Variants in RDX observed in about 807,000 individuals in gnomAD.
RDX encodes radixin.
A neutral mutation model predicts 83.7 loss-of-function variants in RDX; 32 were observed. The ratio of observed to expected loss-of-function variants is 0.38; its 90% confidence interval spans 0.29 to 0.51. RDX has a LOEUF of 0.51. Ranked by LOEUF, RDX falls within the 20% of genes least tolerant of loss-of-function variation. The probability of loss-of-function intolerance (pLI) is 0.87; values close to 1 mark genes in which losing one functional copy is unlikely to be tolerated. For synonymous variants in RDX, 229 were observed against 222.7 expected (o/e 1.03, Z -0.25); for missense variants, 600 against 689.9 (o/e 0.87, Z 1.46).
intron 1 of RDX, among the ~76,000 whole-genome samples, chr11:110,295,146 A>T (rs999444995): frequency 6.6e-6 from 1 of 152,194 alleles, no homozygotes; most frequent in African/African-American, 2.4e-5. Context: ...AAGCAAAGAA[A>T]TTCTGAAAAT....
At chr11:110,183,359 G>C (rs1432306608) in intron 15 of RDX, among the ~76,000 whole-genome samples, 5 of 152,196 alleles carry the variant, frequency 3.3e-5, no homozygotes, top group African/African-American at 4.8e-5. Context: ...TTGCGTTCTT[G>C]CTCTGTCACC....
chr11:110,236,547 T>C (rs983706198), intron 11 of RDX: 2 of 204,670 alleles, frequency 9.8e-6, no homozygotes, highest in Non-Finnish European at 2.0e-5. Flanking sequence ...ATACTTTAAA[T>C]GGCACTTTGT....
chr11:110,212,932 G>A (rs1386451988), intron 14 of RDX, among the ~76,000 whole-genome samples: 2 of 130,402 alleles, frequency 1.5e-5, no homozygotes, highest in African/African-American at 6.1e-5. Context: ...GCACAAGACA[G>A]GGATGCCCTC....
In RDX at chr11:110,295,561, GA is replaced by G. The variant is rs1275560483; in HGVS notation, c.-65+905del. The stretch of plus-strand genomic sequence containing the variant: ...TCCAACCTAGTAACTACTCTTTAAG[GA>G]AAAAAAAAAACCACCAAATATTGGG... On this transcript the variant is annotated intron_variant, in intron 1 of 13. Transcript: ENST00000645495. Among the ~76,000 whole-genome samples, 311 of 101,984 alleles carry G rather than the reference GA, an allele frequency of 3.0e-3. 3 individuals carry two copies. The highest frequency in any genetic ancestry group is 8.6e-3 in the African/African-American group (234 of 27,088). 66.9% of individuals were successfully genotyped at this position (101,984 alleles called of 152,430 possible). A position where few individuals can be genotyped will look rare whatever the true frequency, so the allele number is the denominator to read the frequency against.
intron 10 of RDX, among the ~76,000 whole-genome samples, chr11:110,244,013 A>G (rs1865203047): frequency 6.6e-6 from 1 of 152,220 alleles, no homozygotes. Context: ...GGTTACACCC[A>G]AAAGAAATGA....
chr11:110,271,413 T>A (rs983871777), intron 3 of RDX, among the ~76,000 whole-genome samples: 1 of 152,180 alleles, frequency 6.6e-6, no homozygotes, highest in Non-Finnish European at 1.5e-5. Context: ...ATAAAAGTTA[T>A]CCTCCTCTAA....
intron 14 of RDX, among the ~76,000 whole-genome samples, chr11:110,209,157 G>A (rs561084361): frequency 3.2e-4 from 49 of 152,286 alleles, no homozygotes; most frequent in South Asian, 1.0e-3. Context: ...GAAGCAGGGC[G>A]AGGCATTGCC....
At chr11:110,272,352 A>G (rs1860340026) in intron 3 of RDX, among the ~76,000 whole-genome samples, 184 bp downstream of exon 3, 1 of 152,254 alleles carries the variant, frequency 6.6e-6, no homozygotes, top group Non-Finnish European at 1.5e-5. Context: ...CCACAAATGT[A>G]GGAATGTGAA....
At chr11:110,284,194 A>G (rs1293326827) in intron 1 of RDX, among the ~76,000 whole-genome samples, 1 of 152,258 alleles carries the variant, frequency 6.6e-6, no homozygotes, top group South Asian at 2.1e-4. Context: ...GAGAGAATAC[A>G]TAACAAAAGC....
chr11:110,270,535 T>C (rs558094951), intron 3 of RDX, among the ~76,000 whole-genome samples: 1 of 152,332 alleles, frequency 6.6e-6, no homozygotes, highest in South Asian at 2.1e-4. Context: ...TCAAATACTG[T>C]TCTACGCACT....
intron 14 of RDX, among the ~76,000 whole-genome samples, chr11:110,216,357 G>A (rs1024684013): frequency 1.3e-5 from 2 of 151,720 alleles, no homozygotes; most frequent in African/African-American, 4.8e-5. Flanking sequence ...TATCTAGTTT[G>A]GCTTGCCAAA....
intron 10 of RDX, among the ~76,000 whole-genome samples, chr11:110,242,865 CT>C (rs760598960): frequency 3.9e-3 from 541 of 138,694 alleles, no homozygotes; most frequent in Admixed American, 5.5e-3. Flanking sequence ...CAATCCAATG[CT>C]TTTTTTTTTT....
At chr11:110,274,339 G>T (rs1302432271) in intron 2 of RDX, among the ~76,000 whole-genome samples, 1 of 151,824 alleles carries the variant, frequency 6.6e-6, no homozygotes, top group African/African-American at 2.4e-5. Context: ...TTATTATCTT[G>T]CTTTTAAAAA....
At chr11:110,221,270 C>A (rs750003651) in intron 14 of RDX, among the ~76,000 whole-genome samples, 9 of 152,196 alleles carry the variant, frequency 5.9e-5, no homozygotes, top group South Asian at 4.2e-4. Context: ...CTGTACCCCC[C>A]CCAAAATACT....
At chr11:110,256,409 T>C (rs1386771408) in intron 7 of RDX, among the ~76,000 whole-genome samples, 2 of 152,314 alleles carry the variant, frequency 1.3e-5, no homozygotes, top group East Asian at 1.9e-4. Flanking sequence ...GAATGCAACA[T>C]AGTATTTTAG....
chr11:110,211,512 C>A (rs1357027823), intron 14 of RDX, among the ~76,000 whole-genome samples: 2 of 151,790 alleles, frequency 1.3e-5, no homozygotes, highest in East Asian at 3.9e-4. Context: ...ACTCTCCACC[C>A]CAAATCAACA....
rs1864615902 is a variant in RDX, at chr11:110,231,076, C to T, written c.*793G>A. 2 of 152,548 alleles carry T rather than the reference C, an allele frequency of 1.3e-5. No individual in the cohort carries two copies. The allele number at this position is 152,548 out of a possible 1,614,324, so 9.4% of individuals were successfully genotyped here. On this transcript the variant is annotated 3_prime_UTR_variant, in exon 14 of 14. Coordinates refer to ENST00000645495, the MANE Select transcript of RDX (RefSeq NM_002906.4). ...TTTTAAAATCTTGCAGAGGCTGTTT[C>T]ATCAGTAAACTCTCCTAGGGAGCTA...
At chr11:110,282,968 TTCTG>T (rs1305961157) in intron 1 of RDX, among the ~76,000 whole-genome samples, 1 of 152,066 alleles carries the variant, frequency 6.6e-6, no homozygotes, top group African/African-American at 2.4e-5. Context: ...CAGGGCAAGA[TTCTG>T]TCTAAAATGT....
At chr11:110,222,497 CAT>C (rs1384231916) in intron 14 of RDX, among the ~76,000 whole-genome samples, 12 of 152,106 alleles carry the variant, frequency 7.9e-5, no homozygotes, top group Admixed American at 1.3e-4. Context: ...TTTAAGAATG[CAT>C]ATAAATTACT....
Sources: gnomAD v4.1 joint callset for allele counts (sites outside exome capture counted in the v4.1 genomes callset) on GRCh38, gnomAD v4.1.1 for gene constraint, MANE v1.5 for transcripts, NCBI Gene and HGNC (gene_info 2026-07-23, HGNC 2026-07-21) for gene names.